RHBDF2: variants seen among roughly 807,000 people sequenced by gnomAD.
RHBDF2 encodes rhomboid 5 homolog 2, also known as inactive rhomboid protein 2.
A neutral mutation model predicts 95.2 loss-of-function variants in RHBDF2; 38 were observed. That is an observed-to-expected ratio of 0.40 (90% CI 0.31 to 0.52). The LOEUF (loss-of-function observed/expected upper bound fraction) is 0.52. RHBDF2 is among the 20% of genes least tolerant of loss of function. RHBDF2 has a pLI of 0.56. For missense variants in RHBDF2, 863 were observed against 1,137.7 expected, an observed-to-expected ratio of 0.76 and a Z score of 3.47; for synonymous variants, 442 against 462.0, an observed-to-expected ratio of 0.96 and a Z score of 0.55.
rs1328770874 is a variant in RHBDF2 at position 76,476,795 on chromosome 17, C to T, written c.1115+35G>A. 3.2e-6 allele frequency: 5 copies of T among 1,549,536 alleles called. No homozygotes were observed. In the Admixed American group the frequency reaches 5.9e-5, roughly 18 times the overall value. The stretch of plus-strand genomic sequence containing the variant: ...GGGCCCAGAGGAATTTGGAACCTTC[C>T]AGGCTCTCCTGGGGGCTCCAGGGCG... On this transcript the variant is annotated intron_variant, in intron 9 of 18. Transcript: ENST00000675367.
intron 1 of RHBDF2, among the ~76,000 whole-genome samples, chr17:76,491,628 G>A (rs77060878): frequency 0.031 from 4,772 of 152,320 alleles, 74 homozygotes; most frequent in Non-Finnish European, 0.051. Flanking sequence ...AATGGGACAA[G>A]GTCACGGCCC....
intron 1 of RHBDF2, 36 bp from the exon 2 acceptor site, chr17:76,487,945 C>T (rs2074185919): frequency 6.6e-6 from 1 of 152,312 alleles, no homozygotes; most frequent in African/African-American, 2.4e-5. Flanking sequence ...GGGGGCATGC[C>T]CACCACTGAG....
At chr17:76,495,815 G>C (rs182286561) in intron 1 of RHBDF2, among the ~76,000 whole-genome samples, 3 of 152,148 alleles carry the variant, frequency 2.0e-5, no homozygotes, top group Admixed American at 2.0e-4. Flanking sequence ...GCTTGTAAAC[G>C]GTCATTAAGG....
chr17:76,496,158 G>C (rs1481344517), intron 1 of RHBDF2, among the ~76,000 whole-genome samples: 1 of 152,178 alleles, frequency 6.6e-6, no homozygotes, highest in Non-Finnish European at 1.5e-5. Flanking sequence ...ACCACGGAGG[G>C]AGCCAGGGAA....
At chr17:76,490,398 A>G (rs1305340196) in intron 1 of RHBDF2, among the ~76,000 whole-genome samples, 1 of 152,096 alleles carries the variant, frequency 6.6e-6, no homozygotes, top group African/African-American at 2.4e-5. Flanking sequence ...CACTCGGTTG[A>G]AGCTGTGGCT....
intron 18 of RHBDF2, 28 bp downstream of exon 18, chr17:76,472,658 G>C: frequency 6.2e-7 from 1 of 1,613,690 alleles, no homozygotes; most frequent in South Asian, 1.1e-5. Flanking sequence ...CCTATGTGCG[G>C]AAGGGGTCCC....
chr17:76,494,789 G>A (rs1331111237), intron 1 of RHBDF2, among the ~76,000 whole-genome samples: 3 of 152,170 alleles, frequency 2.0e-5, no homozygotes, highest in Non-Finnish European at 4.4e-5. Context: ...AGCTGCTGAT[G>A]GAGGCAGGCA....
At chr17:76,481,667 C>G (rs779791539) in intron 2 of RHBDF2, 122 bp from the exon 3 acceptor site, 6 of 858,376 alleles carry the variant, frequency 7.0e-6, no homozygotes, top group Non-Finnish European at 1.0e-5. Flanking sequence ...TCAAACATCT[C>G]TGGGCGGCTG....
chr17:76,473,459 A>G, intron 15 of RHBDF2, 132 bp from the exon 16 acceptor site: 1 of 981,528 alleles, frequency 1.0e-6, no homozygotes, highest in Non-Finnish European at 1.6e-6. Context: ...AGAACCTTCG[A>G]CTCTGGAGCA....
In RHBDF2 at chr17:76,477,654, T is replaced by C. The variant is rs1260778388; in HGVS notation, c.801+3A>G. ...CTCCTGCTGTCCCACACCCCATGCTTGCCTTACTAAAAAAGGAGGAGTCAA... is the reference window on the plus strand; with the variant it reads ...CTCCTGCTGTCCCACACCCCATGCTCGCCTTACTAAAAAAGGAGGAGTCAA... On this transcript the variant is annotated splice_donor_region_variant and intron_variant, in intron 7 of 18. Coordinates refer to ENST00000675367, the MANE Select transcript of RHBDF2 (RefSeq NM_001005498.4). 1 of 1,613,970 alleles carries C rather than the reference T, an allele frequency of 6.2e-7. No homozygotes were observed. Among genetic ancestry groups the C allele is most frequent in the Non-Finnish European group, 8.5e-7 (1 of 1,179,920 alleles).
At chr17:76,486,396 T>C (rs926994544) in intron 2 of RHBDF2, among the ~76,000 whole-genome samples, 1 of 152,144 alleles carries the variant, frequency 6.6e-6, no homozygotes, top group African/African-American at 2.4e-5. Context: ...TGAGCCACTG[T>C]GCCCAGCCTC....
intron 1 of RHBDF2, among the ~76,000 whole-genome samples, chr17:76,490,265 T>C (rs975011888): frequency 7.2e-5 from 11 of 152,148 alleles, no homozygotes; most frequent in African/African-American, 2.4e-4. Context: ...CATCCCGAAG[T>C]GCTGGGGAGT....
At chr17:76,475,912 CT>C (rs202104520) in intron 9 of RHBDF2, 7,733 of 145,720 alleles carry the variant, frequency 0.053, 387 homozygotes, top group South Asian at 0.13. Context: ...TCTTTTCTTT[CT>C]TTTTTTTTTG....
In RHBDF2 at chr17:76,473,365, C is replaced by T. The variant is rs1339769885; in HGVS notation, c.1734-38G>A. ...TGAGGCAAGAGGGGACATCAGGGCG[C>T]CGAATAACCACTGCCCACCTTTGCC... On this transcript the variant is annotated intron_variant, in intron 15 of 18. Coordinates refer to ENST00000675367, the MANE Select transcript of RHBDF2 (RefSeq NM_001005498.4). The T allele has an allele frequency of 2.6e-6, 4 of 1,561,394 alleles. No individual in the cohort carries two copies. The East Asian group carries it at 9.3e-5, about 36-fold the overall frequency.
rs768880304 is a variant in RHBDF2 at position 76,474,162 on chromosome 17, T to C, written c.1465-20A>G. On this transcript the variant is annotated intron_variant, in intron 12 of 18. Coordinates refer to ENST00000675367, the MANE Select transcript of RHBDF2 (RefSeq NM_001005498.4). ...AGTCTCCTGGAGGGCAGAAGAAGGC[T>C]GGTGGGTCATGTCGGGGCCAGGTCA... The C allele has an allele frequency of 4.6e-6, 7 of 1,532,036 alleles. No individual in the cohort carries two copies. The South Asian group carries it at 8.5e-5, about 19-fold the overall frequency. 94.9% of individuals were successfully genotyped at this position (1,532,036 alleles called of 1,614,324 possible).
chr17:76,484,680 T>C (rs1441564397), intron 2 of RHBDF2, among the ~76,000 whole-genome samples: 3 of 152,150 alleles, frequency 2.0e-5, no homozygotes, highest in Non-Finnish European at 4.4e-5. Flanking sequence ...CAGGATTTCC[T>C]GTTCTCACCC....
chr17:76,480,470 G>A (rs1015132720), intron 3 of RHBDF2, among the ~76,000 whole-genome samples: 13 of 149,742 alleles, frequency 8.7e-5, no homozygotes, highest in African/African-American at 3.2e-4. Flanking sequence ...CTGGAGCCTC[G>A]ACCTCCCAGG....
intron 7 of RHBDF2, 106 bp downstream of exon 7, chr17:76,477,551 C>A: frequency 7.7e-7 from 1 of 1,298,054 alleles, no homozygotes; most frequent in Non-Finnish European, 1.1e-6. Context: ...CAGCAGTGGG[C>A]CTCTGGGTCC....
chr17:76,473,430 G>A (rs2073654681), intron 15 of RHBDF2, 103 bp from the exon 16 acceptor site: 2 of 1,131,742 alleles, frequency 1.8e-6, no homozygotes, highest in Admixed American at 2.0e-5. Context: ...TCGCTGGCAG[G>A]AAGGGGGATG....
Sources: allele counts gnomAD v4.1 joint callset (sites outside exome capture counted in the v4.1 genomes callset), GRCh38; gene constraint gnomAD v4.1.1; transcripts MANE v1.5; gene names NCBI Gene and HGNC (gene_info 2026-07-23, HGNC 2026-07-21).